CTBP2: variants seen among roughly 807,000 people sequenced by gnomAD.
CTBP2 encodes C-terminal binding protein 2.
In CTBP2, 30 loss-of-function variants were observed where a neutral mutation model predicts 80.3. The observed-to-expected ratio is 0.37, with a 90% CI of 0.28 to 0.51. CTBP2 has a LOEUF of 0.51. Among genes scored for constraint, CTBP2 ranks in the 20% least tolerant of loss-of-function variants. The pLI, the probability that CTBP2 is intolerant of heterozygous loss-of-function variation, is 0.93. For synonymous variants in CTBP2, 594 were observed against 587.4 expected (o/e 1.01, Z -0.16); for missense variants, 1,212 against 1,375.3 (o/e 0.88, Z 1.88).
At chr10:125,155,948 G>A (rs1860843574) in intron 1 of CTBP2, among the ~76,000 whole-genome samples, 1 of 152,154 alleles carries the variant, frequency 6.6e-6, no homozygotes, top group Non-Finnish European at 1.5e-5. Flanking sequence ...AAAGTTTTCA[G>A]CAGGGTAAGT....
Position 125,066,432 on chromosome 10 carries a change from G to A in CTBP2, c.-101-27277C>T, listed in dbSNP as rs4489694. 5.9e-5 allele frequency among the ~76,000 whole-genome samples: 9 copies of A among 152,246 alleles called. No individual in the cohort carries two copies. The highest frequency in any genetic ancestry group is 1.9e-4 in the East Asian group (1 of 5,162). On this transcript the variant is annotated intron_variant, in intron 2 of 10. Transcript: ENST00000337195. The surrounding 1 kb of genome is among the most constrained non-coding windows in gnomAD (Gnocchi z 4.1). Reference sequence around the variant, plus strand: ...TGCTAGGTGAGTGCAGGGCAGGAACGGAAGGCAAGCAGGGTGCGCAGATGT... The same window carrying A: ...TGCTAGGTGAGTGCAGGGCAGGAACAGAAGGCAAGCAGGGTGCGCAGATGT...
intron 2 of CTBP2, among the ~76,000 whole-genome samples, chr10:125,054,850 T>C (rs141608241): frequency 6.6e-6 from 1 of 152,350 alleles, no homozygotes; most frequent in Non-Finnish European, 1.5e-5. Flanking sequence ...GTCTGTGATA[T>C]ATCCACTTCT....
Position 125,003,009 on chromosome 10 carries a change from C to T in CTBP2, c.1929G>A (p.Arg643=), listed in dbSNP as rs142442450. The T allele has an allele frequency of 6.2e-7, 1 of 1,613,974 alleles. No individual in the cohort carries two copies. Among genetic ancestry groups the T allele is most frequent in the South Asian group, 1.1e-5 (1 of 91,084 alleles). ...CCACGTTGTCATAGCCACTGCCTAT[C>T]CGCACGATCACTCTCAGGGCCTTGA... The change falls in exon 3 of 9, where the codon CGG becomes CGA. Residue 643 remains arginine, a synonymous_variant. Transcript: ENST00000309035.
chr10:125,083,570 A>T (rs1847505382), intron 2 of CTBP2, among the ~76,000 whole-genome samples: 1 of 152,148 alleles, frequency 6.6e-6, no homozygotes, highest in South Asian at 2.1e-4. Context: ...AGGATCAAAG[A>T]CCATAACGCA....
At chr10:125,038,550 A>T (rs1959121305) in intron 3 of CTBP2, among the ~76,000 whole-genome samples, 1 of 152,172 alleles carries the variant, frequency 6.6e-6, no homozygotes, top group South Asian at 2.1e-4. Flanking sequence ...ATTTCCAAAG[A>T]TACCAGGGAC....
At chr10:125,011,290 G>C (rs558440846) in intron 1 of CTBP2, among the ~76,000 whole-genome samples, 1 of 152,332 alleles carries the variant, frequency 6.6e-6, no homozygotes, top group African/African-American at 2.4e-5. Flanking sequence ...CTGATAAATA[G>C]ATTTGCTTCT....
At chr10:125,119,697 C>A (rs888464651) in intron 1 of CTBP2, among the ~76,000 whole-genome samples, 4 of 152,158 alleles carry the variant, frequency 2.6e-5, no homozygotes, top group Admixed American at 2.0e-4. Context: ...ATTCTCCATG[C>A]TAAGATTAAA....
chr10:125,134,677 G>A (rs1041858642), intron 1 of CTBP2, among the ~76,000 whole-genome samples: 3 of 152,116 alleles, frequency 2.0e-5, no homozygotes, highest in Admixed American at 6.5e-5. Context: ...GCGGGAGGAC[G>A]AAGAGAACCT....
intron 1 of CTBP2, among the ~76,000 whole-genome samples, chr10:125,130,684 C>T (rs1363756061): frequency 6.6e-6 from 1 of 152,190 alleles, no homozygotes; most frequent in Non-Finnish European, 1.5e-5. Context: ...TCAATGCAGC[C>T]TCCACTCCAT....
intron 2 of CTBP2, among the ~76,000 whole-genome samples, chr10:125,096,835 A>G (rs1462344798): frequency 1.3e-5 from 2 of 152,178 alleles, no homozygotes; most frequent in African/African-American, 2.4e-5. Context: ...TTCTTCCGAG[A>G]AATTAACATT....
intron 1 of CTBP2, among the ~76,000 whole-genome samples, chr10:125,156,736 G>C (rs901899122): frequency 6.6e-6 from 1 of 152,182 alleles, no homozygotes; most frequent in Non-Finnish European, 1.5e-5. Context: ...GTTGTAGGTT[G>C]ATTTTCTGGT....
intron 3 of CTBP2, among the ~76,000 whole-genome samples, chr10:125,036,131 CCCACGGCAGATT>C (rs1958841655): frequency 6.6e-6 from 1 of 152,172 alleles, no homozygotes; most frequent in African/African-American, 2.4e-5. Flanking sequence ...GGAGTGAATC[CCCACGGCAGATT>C]CTGGGCACAC....
rs544897776 is a variant in CTBP2 at position 125,074,790 on chromosome 10, A to T, written c.-101-35635T>A. 2.6e-5 allele frequency among the ~76,000 whole-genome samples: 4 copies of T among 152,308 alleles called. No homozygotes were observed. The East Asian group carries it at 7.7e-4, about 29-fold the overall frequency. On this transcript the variant is annotated intron_variant, in intron 2 of 10. Transcript: ENST00000337195. ...TTCCGTTTCCTTGGCCCTTCTCAAC[A>T]ACTTGGACCCCACACATCACTCAGG...
At chr10:125,080,060 C>T (rs534182335) in intron 2 of CTBP2, among the ~76,000 whole-genome samples, 122 of 152,268 alleles carry the variant, frequency 8.0e-4, no homozygotes, top group African/African-American at 2.8e-3. Context: ...AAGTTAACTC[C>T]GCTGTATATT....
intron 1 of CTBP2, among the ~76,000 whole-genome samples, chr10:125,118,751 A>T (rs1853802103): frequency 6.6e-6 from 1 of 152,116 alleles, no homozygotes; most frequent in African/African-American, 2.4e-5. Flanking sequence ...GAACGCTTAA[A>T]ATCAGCCTGG....
rs1589862875 is a variant in CTBP2, at chr10:124,987,362, T to C, written c.*2156A>G. On this transcript the variant is annotated 3_prime_UTR_variant, in exon 9 of 9. Transcript: ENST00000309035. Reference sequence around the variant, plus strand: ...GACTTGTTCTTCCTTGGGGTCAAATTTATATATATATATATAAATTTTTGT... The same window carrying C: ...GACTTGTTCTTCCTTGGGGTCAAATCTATATATATATATATAAATTTTTGT... The C allele has an allele frequency of 6.7e-6, 1 of 150,108 alleles. No homozygotes were observed. The highest frequency in any genetic ancestry group is 1.5e-5 in the Non-Finnish European group (1 of 67,602). The allele number at this position is 150,108 out of a possible 1,614,324, so 9.3% of individuals were successfully genotyped here.
At chr10:125,161,870 C>T (rs1003946428), upstream of CTBP2, among the ~76,000 whole-genome samples, 5 of 152,200 alleles carry the variant, frequency 3.3e-5, no homozygotes, top group African/African-American at 1.2e-4. Context: ...CGGCCCGGAG[C>T]CCACGCCGTC....
At chr10:125,099,099 A>T (rs1474459954) in intron 2 of CTBP2, among the ~76,000 whole-genome samples, 1 of 152,206 alleles carries the variant, frequency 6.6e-6, no homozygotes, top group Non-Finnish European at 1.5e-5. Context: ...CACGTTCAGT[A>T]CGCACAGGTT....
chr10:125,085,211 G>A (rs139527646), intron 2 of CTBP2, among the ~76,000 whole-genome samples: 1 of 152,192 alleles, frequency 6.6e-6, no homozygotes, highest in Non-Finnish European at 1.5e-5. Context: ...GTTTTATTTT[G>A]GTGGCTAAGG....
Sources: allele counts gnomAD v4.1 joint callset (sites outside exome capture counted in the v4.1 genomes callset), GRCh38; gene constraint gnomAD v4.1.1; non-coding constraint Gnocchi (gnomAD v3.1); transcripts MANE v1.5; gene names NCBI Gene and HGNC (gene_info 2026-07-23, HGNC 2026-07-21).